The following TRIM71 variants were observed in gnomAD, a reference collection of about 807,000 sequenced individuals.
The protein encoded by TRIM71 is tripartite motif containing 71, also known as E3 ubiquitin-protein ligase TRIM71.
In TRIM71, 9 loss-of-function variants were observed where a neutral mutation model predicts 61.2. The ratio of observed to expected loss-of-function variants is 0.15; its 90% confidence interval spans 0.09 to 0.26. TRIM71 has a LOEUF of 0.26. Ranked by LOEUF, TRIM71 falls within the 10% of genes least tolerant of loss-of-function variation. The pLI is 1.00. For missense variants in TRIM71, 998 were observed against 1,238.7 expected, an observed-to-expected ratio of 0.81 and a Z score of 2.92; for synonymous variants, 645 against 553.2, an observed-to-expected ratio of 1.17 and a Z score of -2.33.
chr3:32,884,809 A>C lies in TRIM71; in HGVS notation c.1021-1125A>C, dbSNP rs1696943544. On this transcript the variant is annotated intron_variant, in intron 2 of 3. Transcript: ENST00000383763. ...GACACAATGGCTGAACTTTTGTCCC[A>C]GGTGTTTTATCAGCTGAGAACTATT... 2.6e-5 allele frequency among the ~76,000 whole-genome samples: 4 copies of C among 152,182 alleles called. No homozygotes were observed. The South Asian group carries it at 8.3e-4, about 32-fold the overall frequency.
intron 2 of TRIM71, among the ~76,000 whole-genome samples, chr3:32,879,045 C>T (rs948789577): frequency 3.5e-4 from 53 of 152,350 alleles, no homozygotes; most frequent in African/African-American, 9.1e-4. Context: ...ATCAGACTTG[C>T]TGTGTCACCT....
In TRIM71 at chr3:32,827,268, C is replaced by CTTTTTTTTTTTTTTT. The variant is rs369755706; in HGVS notation, c.852+8350_852+8351insTTTTTTTTTTTTTTT. On this transcript the variant is annotated intron_variant, in intron 1 of 3. Transcript: ENST00000383763. ...TGTCATGAAGGGTAGGGGGATAATT[C>CTTTTTTTTTTTTTTT]TTTTTTTTTTTTTTGGGTGGAGTCT... Among the ~76,000 whole-genome samples the CTTTTTTTTTTTTTTT allele has an allele frequency of 2.0e-3, 261 of 129,628 alleles. 7 individuals carry two copies. Among genetic ancestry groups the CTTTTTTTTTTTTTTT allele is most frequent in the Middle Eastern group, 5.2e-3 (1 of 194 alleles). The allele number at this position is 129,628 out of a possible 152,430, so 85.0% of individuals were successfully genotyped here.
intron 1 of TRIM71, among the ~76,000 whole-genome samples, chr3:32,863,404 C>T (rs747528823): frequency 6.6e-6 from 1 of 151,662 alleles, no homozygotes; most frequent in Non-Finnish European, 1.5e-5. Context: ...CTTTGTTGGC[C>T]GGGCTAAGTG....
chr3:32,879,703 T>C (rs528125749), intron 2 of TRIM71, among the ~76,000 whole-genome samples: 1 of 149,284 alleles, frequency 6.7e-6, no homozygotes, highest in East Asian at 2.0e-4. Flanking sequence ...CTGAGTACTG[T>C]AGCTCAAAAC....
chr3:32,888,819 T>C (rs1011026179), intron 3 of TRIM71, among the ~76,000 whole-genome samples: 3 of 152,210 alleles, frequency 2.0e-5, no homozygotes, highest in Non-Finnish European at 4.4e-5. Flanking sequence ...GCCACTGTGC[T>C]GGGCCCCAAA....
At chr3:32,847,987 G>A (rs758008583) in intron 1 of TRIM71, among the ~76,000 whole-genome samples, 23 of 152,280 alleles carry the variant, frequency 1.5e-4, no homozygotes, top group African/African-American at 5.5e-4. Flanking sequence ...AAGTATATGG[G>A]AGGATGTTCA....
rs924786320 is a variant in TRIM71, at chr3:32,891,176, G to A, written c.1972G>A (p.Gly658Ser). The A allele has an allele frequency of 6.8e-6, 11 of 1,613,468 alleles. No homozygotes were observed. Among genetic ancestry groups the A allele is most frequent in the Non-Finnish European group, 8.5e-6 (10 of 1,179,982 alleles). ...GCCTGGGCAGTTCGACCGACCAGCC[G>A]GCGTGGCCTGTGACGCCTCACGCAG... ...SRPGQFDRPA[G>S]VACDASRRIV... Residue 658 changes from glycine to serine, a missense_variant, in exon 4 of 4, where the codon GGC becomes AGC. Gly to Ser is a moderately conservative substitution (Grantham distance 56, BLOSUM62 0). This residue lies in a region of TRIM71 where 83 missense variants were observed against 202.7 expected (regional missense o/e 0.41). Transcript: ENST00000383763. This position sits in a 1 kb window ranked among gnomAD's most constrained non-coding sequence, Gnocchi z 8.2.
chr3:32,819,090 A>G lies in TRIM71; in HGVS notation c.852+158A>G, dbSNP rs531410892. Among the ~76,000 whole-genome samples the G allele has an allele frequency of 2.3e-3, 357 of 152,326 alleles. 1 individual carries two copies. The highest frequency in any genetic ancestry group is 8.0e-3 in the African/African-American group (333 of 41,572). ...GCAGTCCTTGCTACCAAAGTAGATC[A>G]TGACCTGGGAAGTATGTGGAAGTGG... On this transcript the variant is annotated intron_variant, in intron 1 of 3. Coordinates refer to ENST00000383763, the MANE Select transcript of TRIM71 (RefSeq NM_001039111.3).
In TRIM71 at chr3:32,829,815, A is replaced by G. The variant is rs191970304; in HGVS notation, c.852+10883A>G. On this transcript the variant is annotated intron_variant, in intron 1 of 3. Transcript: ENST00000383763. ...AAACTGTCCTGACTCCTAGTCTAGC[A>G]CTCTTTCCACATTGCTATTTATGTG... Among the ~76,000 whole-genome samples the G allele has an allele frequency of 4.6e-5, 7 of 150,970 alleles. No homozygotes were observed. The East Asian group carries it at 1.2e-3, about 25-fold the overall frequency.
intron 2 of TRIM71, among the ~76,000 whole-genome samples, chr3:32,885,339 C>T (rs1037857537): frequency 2.0e-5 from 3 of 152,148 alleles, no homozygotes; most frequent in South Asian, 2.1e-4. Flanking sequence ...TACAGGGTGG[C>T]GTGTGTGATG....
chr3:32,831,424 A>G (rs1575342318), intron 1 of TRIM71, among the ~76,000 whole-genome samples: 3 of 151,970 alleles, frequency 2.0e-5, no homozygotes, highest in African/African-American at 7.3e-5. Flanking sequence ...ATTGTAATGT[A>G]TGTGCCCATA....
Position 32,885,999 on chromosome 3 carries a change from G to A in TRIM71, c.1086G>A (p.Ser362=), listed in dbSNP as rs770852053. The A allele has an allele frequency of 1.1e-5, 18 of 1,614,090 alleles. No individual in the cohort carries two copies. In the East Asian group the frequency reaches 1.6e-4, roughly 14 times the overall value. ...AGATGAAGGCGAAGGTTGTGCAGTC[G>A]GAGGTCAAAGCCGTGACGGCGAGGC... ...QVEMKAKVVQ[S]EVKAVTARHK... Residue 362 remains serine (S), a synonymous_variant, in exon 3 of 4, where the codon TCG becomes TCA. Transcript: ENST00000383763.
intron 1 of TRIM71, among the ~76,000 whole-genome samples, chr3:32,859,841 A>G (rs1348051284): frequency 6.6e-6 from 1 of 152,070 alleles, no homozygotes; most frequent in African/African-American, 2.4e-5. Flanking sequence ...TTCTGTCCTT[A>G]GTGAAGCCCA....
At chr3:32,848,080 G>A (rs371436858) in intron 1 of TRIM71, among the ~76,000 whole-genome samples, 9 of 152,174 alleles carry the variant, frequency 5.9e-5, no homozygotes, top group African/African-American at 1.9e-4. Flanking sequence ...TCCTGGACAC[G>A]CAGTCTTCCA....
intron 1 of TRIM71, among the ~76,000 whole-genome samples, chr3:32,839,758 T>C (rs1223652509): frequency 6.6e-6 from 1 of 151,764 alleles, no homozygotes; most frequent in African/African-American, 2.4e-5. Context: ...CCCTCATACG[T>C]GGATCTGCTG....
Position 32,885,992 on chromosome 3 carries a change from T to A in TRIM71, c.1079T>A (p.Val360Glu). 6.2e-7 allele frequency: 1 copy of A among 1,614,186 alleles called. No homozygotes were observed. The highest frequency in any genetic ancestry group is 8.5e-7 in the Non-Finnish European group (1 of 1,180,028). ...CAGGTGGAGATGAAGGCGAAGGTTG[T>A]GCAGTCGGAGGTCAAAGCCGTGACG... ...AEQVEMKAKV[V>E]QSEVKAVTAR... Residue 360 changes from valine (V) to glutamate (E), a missense_variant, in exon 3 of 4, where the codon GTG becomes GAG. Transcript: ENST00000383763.
chr3:32,862,496 T>G (rs1338281971), intron 1 of TRIM71, among the ~76,000 whole-genome samples: 1 of 152,220 alleles, frequency 6.6e-6, no homozygotes, highest in African/African-American at 2.4e-5. Flanking sequence ...GCCCGCTGTT[T>G]AAGAGGCGAG....
Position 32,861,461 on chromosome 3 carries a change from G to A in TRIM71, c.853-12357G>A, listed in dbSNP as rs376430252. On this transcript the variant is annotated intron_variant, in intron 1 of 3. Transcript: ENST00000383763. ...AATAAATAAATTGTTGGCCAGGCGC[G>A]GTGGCTCACGCCTGTAATCCAAACA... 4.0e-5 allele frequency among the ~76,000 whole-genome samples: 6 copies of A among 151,746 alleles called. No homozygotes were observed. In the East Asian group the frequency reaches 1.0e-3, roughly 26 times the overall value.
chr3:32,895,100 C>G lies in TRIM71; in HGVS notation c.*3289C>G, dbSNP rs1335164140. On this transcript the variant is annotated 3_prime_UTR_variant, in exon 4 of 4. Coordinates refer to ENST00000383763, the MANE Select transcript of TRIM71 (RefSeq NM_001039111.3). ...ACATCTAACCCATAGGTAAAAACTACTTTTGCTTGACACTGACTTAACATT... is the reference window on the plus strand; with the variant it reads ...ACATCTAACCCATAGGTAAAAACTAGTTTTGCTTGACACTGACTTAACATT... The G allele has an allele frequency of 6.6e-6, 1 of 152,156 alleles. No individual in the cohort carries two copies. The highest frequency in any genetic ancestry group is 2.1e-4 in the South Asian group (1 of 4,822). 9.4% of individuals were successfully genotyped at this position (152,156 alleles called of 1,614,324 possible).
Sources: gnomAD v4.1 joint callset for allele counts (sites outside exome capture counted in the v4.1 genomes callset) on GRCh38, gnomAD v4.1.1 for gene constraint, gnomAD v4.1.1 regional missense constraint, Gnocchi (gnomAD v3.1) non-coding constraint, MANE v1.5 for transcripts, NCBI Gene and HGNC (gene_info 2026-07-23, HGNC 2026-07-21) for gene names.